The following TTLL11 variants were observed in gnomAD, a reference collection of about 807,000 sequenced individuals.
TTLL11 encodes tubulin tyrosine ligase like 11.
Under a neutral mutation model 51.7 loss-of-function variants are expected in TTLL11, and 42 were observed. The ratio of observed to expected loss-of-function variants is 0.81; its 90% CI spans 0.64 to 1.05. The LOEUF is 1.05. Among genes scored for constraint, TTLL11 ranks in the 50% least tolerant of loss-of-function variants. The probability of loss-of-function intolerance (pLI) is 0.00; values close to 1 mark genes in which losing one functional copy is unlikely to be tolerated. For synonymous variants in TTLL11, 381 were observed against 383.5 expected, an observed-to-expected ratio of 0.99 and a Z score of 0.08; for missense variants, 799 against 940.4, an observed-to-expected ratio of 0.85 and a Z score of 1.97.
chr9:121,855,877 G>A (rs1428779191), intron 8 of TTLL11, among the ~76,000 whole-genome samples: 3 of 152,180 alleles, frequency 2.0e-5, no homozygotes, highest in Non-Finnish European at 4.4e-5. Flanking sequence ...AGCATGCTAC[G>A]TGCCTTGTAT....
At position 121,816,660 on chromosome 9, in the gene TTLL11, ATGTGTGCG is replaced by A. The variant is rs1466024298; in HGVS notation, c.*5919_*5926del. On this transcript the variant is annotated 3_prime_UTR_variant, in exon 9 of 9. Transcript: ENST00000321582. ...TGTGCGCGCACATGCGTGTGTGTGC[ATGTGTGCG>A]TGTGTGCATGCGTGTGCATCGTGTG... 3 of 130,572 alleles carry A rather than the reference ATGTGTGCG, an allele frequency of 2.3e-5. No homozygotes were observed. The highest frequency in any genetic ancestry group is 3.8e-5 in the African/African-American group (1 of 26,296). The allele number at this position is 130,572 out of a possible 1,614,324, so 8.1% of individuals were successfully genotyped here. A position where few individuals can be genotyped will look rare whatever the true frequency, so the allele number is the denominator to read the frequency against.
rs762583771 is a variant in TTLL11 at position 122,093,203 on chromosome 9, G to A, written c.-55C>T. 4.5e-5 allele frequency: 67 copies of A among 1,489,930 alleles called. No homozygotes were observed. The South Asian group carries it at 5.5e-4, about 12-fold the overall frequency. 92.3% of individuals were successfully genotyped at this position (1,489,930 alleles called of 1,614,324 possible). On this transcript the variant is annotated 5_prime_UTR_variant, in exon 1 of 9. Coordinates refer to ENST00000321582, the MANE Select transcript of TTLL11 (RefSeq NM_001139442.2). ...CCACCGCCGCCGCCGCCGCCGCTCC[G>A]CCGCCCCAGTCCGCCACCAAACTGC...
At chr9:122,050,047 C>T (rs1359226894) in intron 1 of TTLL11, among the ~76,000 whole-genome samples, 2 of 152,046 alleles carry the variant, frequency 1.3e-5, no homozygotes, top group African/African-American at 2.4e-5. Flanking sequence ...CGTGGACCAG[C>T]GAGACCCCAG....
At chr9:121,899,748 T>G (rs1195216663) in intron 6 of TTLL11, among the ~76,000 whole-genome samples, 1 of 152,086 alleles carries the variant, frequency 6.6e-6, no homozygotes, top group Non-Finnish European at 1.5e-5. Context: ...TCTCCCTTCT[T>G]CTATCCCACC....
At chr9:122,040,265 T>G in intron 1 of TTLL11, 21 of 793,068 alleles carry the variant, frequency 2.6e-5, no homozygotes, top group South Asian at 5.7e-5. Flanking sequence ...CAGACCCGCG[T>G]GAGCCTGTAA....
chr9:121,834,485 T>TG (rs1037403184), intron 8 of TTLL11, among the ~76,000 whole-genome samples: 1 of 150,974 alleles, frequency 6.6e-6, no homozygotes, highest in Non-Finnish European at 1.5e-5. Flanking sequence ...TGAGTGGCTT[T>TG]TTTTTTTTTC....
chr9:122,082,501 C>CAAAAAAAAAAAAAA (rs35349693), intron 1 of TTLL11, among the ~76,000 whole-genome samples: 1 of 84,654 alleles, frequency 1.2e-5, no homozygotes, highest in African/African-American at 3.8e-5. Flanking sequence ...GACTCTGTCT[C>CAAAAAAAAAAAAAA]AAAAAAAAAA....
chr9:122,064,391 C>G (rs907597010), intron 1 of TTLL11, among the ~76,000 whole-genome samples: 1 of 152,162 alleles, frequency 6.6e-6, no homozygotes, highest in African/African-American at 2.4e-5. Flanking sequence ...ACCCTCAAAG[C>G]CTTGATTATA....
intron 6 of TTLL11, among the ~76,000 whole-genome samples, chr9:121,891,182 G>C (rs891562951): frequency 6.6e-6 from 1 of 152,208 alleles, no homozygotes; most frequent in African/African-American, 2.4e-5. Flanking sequence ...AGGGCAGGAA[G>C]ACCTTGCTCA....
intron 3 of TTLL11, among the ~76,000 whole-genome samples, chr9:121,999,877 G>A (rs1843408766): frequency 6.6e-6 from 1 of 152,208 alleles, no homozygotes; most frequent in Non-Finnish European, 1.5e-5. Flanking sequence ...ACCCTGGGGA[G>A]CCAGGATCTG....
intron 6 of TTLL11, chr9:121,963,703 G>C (rs1842311186): frequency 6.6e-6 from 1 of 152,212 alleles, no homozygotes; most frequent in Non-Finnish European, 1.5e-5. Flanking sequence ...CTTGGAAATG[G>C]TTCCCTCTCA....
chr9:121,984,959 T>C (rs112749708), intron 4 of TTLL11, among the ~76,000 whole-genome samples: 2,548 of 152,132 alleles, frequency 0.017, 60 homozygotes, highest in African/African-American at 0.057. Context: ...ACCTAGGCAA[T>C]GACAGGGGAC....
intron 6 of TTLL11, among the ~76,000 whole-genome samples, chr9:121,883,796 C>G (rs542565353): frequency 6.6e-6 from 1 of 152,286 alleles, no homozygotes; most frequent in South Asian, 2.1e-4. Flanking sequence ...CCTGATGGCT[C>G]TGGAGACTCT....
chr9:122,058,156 C>T (rs1845341629), intron 1 of TTLL11, among the ~76,000 whole-genome samples: 1 of 152,198 alleles, frequency 6.6e-6, no homozygotes, highest in African/African-American at 2.4e-5. Context: ...GGGCACGGGA[C>T]CATGAGGAGC....
chr9:121,965,964 G>A (rs1434530313), intron 6 of TTLL11, among the ~76,000 whole-genome samples: 2 of 152,216 alleles, frequency 1.3e-5, no homozygotes, highest in African/African-American at 4.8e-5. Flanking sequence ...CTTTATTCTA[G>A]ATTCTACATA....
intron 8 of TTLL11, among the ~76,000 whole-genome samples, chr9:121,856,942 G>A (rs530699220): frequency 1.4e-4 from 21 of 152,346 alleles, no homozygotes; most frequent in African/African-American, 5.1e-4. Flanking sequence ...GTAGCTTCCT[G>A]AACGGTCCTA....
intron 6 of TTLL11, among the ~76,000 whole-genome samples, chr9:121,935,202 C>T (rs1055678635): frequency 1.3e-5 from 2 of 152,098 alleles, no homozygotes; most frequent in Non-Finnish European, 2.9e-5. Flanking sequence ...CTTGATCCGC[C>T]CGCCTCGGCC....
chr9:122,076,170 C>T lies in TTLL11; in HGVS notation c.462+16517G>A, dbSNP rs114248879. ...ATTCTGTCTGTCCCAGGGCCAACAC[C>T]TCTCTCCTGAGGTTTATAATAGCAT... On this transcript the variant is annotated intron_variant, in intron 1 of 8. Transcript: ENST00000321582. 7.7e-3 allele frequency among the ~76,000 whole-genome samples: 1,166 copies of T among 152,288 alleles called. 17 individuals carry two copies. Among genetic ancestry groups the T allele is most frequent in the African/African-American group, 0.027 (1,122 of 41,536 alleles).
At chr9:121,956,535 A>G (rs16911155) in intron 6 of TTLL11, among the ~76,000 whole-genome samples, 11,771 of 152,218 alleles carry the variant, frequency 0.077, 682 homozygotes, top group African/African-American at 0.16. Flanking sequence ...CTCTGTTTCA[A>G]TGGCCTCCCT....
Sources: allele counts gnomAD v4.1 joint callset (sites outside exome capture counted in the v4.1 genomes callset), GRCh38; gene constraint gnomAD v4.1.1; transcripts MANE v1.5; gene names NCBI Gene and HGNC (gene_info 2026-07-23, HGNC 2026-07-21).